Variants in SERPINH1 observed in about 807,000 individuals in gnomAD.
SERPINH1 encodes serpin family H member 1.
Under a neutral mutation model 32.3 loss-of-function variants are expected in SERPINH1, and 22 were observed. That is an observed-to-expected ratio of 0.68 (90% confidence interval 0.49 to 0.97). The LOEUF is 0.97. Among genes scored for constraint, SERPINH1 ranks in the 50% least tolerant of loss-of-function variants. The pLI is 0.00. For synonymous variants in SERPINH1, 251 were observed against 245.9 expected (o/e 1.02, Z -0.19); for missense variants, 543 against 576.4 (o/e 0.94, Z 0.59).
At position 75,566,708 on chromosome 11, in the gene SERPINH1, A is replaced by C. The variant is rs757694413; in HGVS notation, c.359A>C (p.Asn120Thr). The change falls in exon 2 of 5, where the codon AAC becomes ACC. Residue 120 changes from asparagine to threonine, a missense_variant. Asn to Thr is a moderately conservative substitution (Grantham distance 65). This residue lies in a region of SERPINH1 where 427 missense variants were observed against 446.4 expected (regional missense o/e 0.96). Transcript: ENST00000358171. ...GLGELLRSLS[N>T]STARNVTWKL... ...GGCGAGCTGCTGCGCTCACTCAGCAACTCCACGGCGCGCAACGTGACCTGG... is the reference window on the plus strand; with the variant it reads ...GGCGAGCTGCTGCGCTCACTCAGCACCTCCACGGCGCGCAACGTGACCTGG... 1.9e-6 allele frequency: 3 copies of C among 1,611,820 alleles called. No homozygotes were observed. The highest frequency in any genetic ancestry group is 1.7e-6 in the Non-Finnish European group (2 of 1,179,374).
chr11:75,564,656 T>A (rs936692651), intron 1 of SERPINH1, among the ~76,000 whole-genome samples: 2 of 151,960 alleles, frequency 1.3e-5, no homozygotes, highest in Non-Finnish European at 2.9e-5. Flanking sequence ...TGTCTTGGGG[T>A]TTATTCTAGG....
chr11:75,566,880 C>G lies in SERPINH1; in HGVS notation c.531C>G (p.Ala177=). 2 of 1,610,146 alleles carry G rather than the reference C, an allele frequency of 1.2e-6. No homozygotes were observed. Among genetic ancestry groups the G allele is most frequent in the East Asian group, 2.2e-5 (1 of 44,876 alleles). Residue 177 remains alanine (A), a synonymous_variant, in exon 2 of 5, where the codon GCC becomes GCG. Coordinates refer to ENST00000358171, the MANE Select transcript of SERPINH1 (RefSeq NM_001235.5). ...CGCTGCAGTCCATCAACGAGTGGGC[C>G]GCGCAGACCACCGACGGCAAGCTGC... The part of the protein sequence containing the change: ...RSALQSINEW[A]AQTTDGKLPE...
chr11:75,568,861 G>A, intron 3 of SERPINH1, 32 bp downstream of exon 3: 1 of 1,606,386 alleles, frequency 6.2e-7, no homozygotes, highest in South Asian at 1.1e-5. Flanking sequence ...GTGTCAAGGT[G>A]GGTGGGGGTC....
At chr11:75,565,165 T>C (rs1335793792) in intron 1 of SERPINH1, among the ~76,000 whole-genome samples, 1 of 152,186 alleles carries the variant, frequency 6.6e-6, no homozygotes, top group African/African-American at 2.4e-5. Context: ...AACTGGGGCT[T>C]GTCCTTGGGG....
At chr11:75,570,088 C>T (rs1942170427) in intron 4 of SERPINH1, among the ~76,000 whole-genome samples, 1 of 152,006 alleles carries the variant, frequency 6.6e-6, no homozygotes, top group Non-Finnish European at 1.5e-5. Flanking sequence ...CCCTAAGGTT[C>T]CCCAGGCTCA....
At chr11:75,568,644 A>C in intron 2 of SERPINH1, 87 bp from the exon 3 acceptor site, 1 of 838,458 alleles carries the variant, frequency 1.2e-6, no homozygotes, top group South Asian at 1.4e-5. Flanking sequence ...GGATAAATCA[A>C]GGTCTGCAGC....
At position 75,571,776 on chromosome 11, in the gene SERPINH1, CACAG is replaced by C; in HGVS notation, c.955-3_955del. 6.2e-7 allele frequency: 1 copy of C among 1,613,228 alleles called. No homozygotes were observed. The highest frequency in any genetic ancestry group is 8.5e-7 in the Non-Finnish European group (1 of 1,179,950). On this transcript the variant is annotated splice_acceptor_variant and splice_polypyrimidine_tract_variant and intron_variant, in intron 4 of 4. Transcript: ENST00000358171. LOFTEE classifies it high-confidence loss of function. ...CTCACCTGGCACACCTCCTTGTTCC[CACAG>C]AAACACCTGGCTGGGCTGGGCCTGA...
At chr11:75,568,138 A>C (rs747756937) in intron 2 of SERPINH1, 7 of 165,468 alleles carry the variant, frequency 4.2e-5, no homozygotes, top group Non-Finnish European at 8.0e-5. Context: ...GTCTACAAAA[A>C]ATTAGCCAGG....
Position 75,572,136 on chromosome 11 carries a change from C to A in SERPINH1, c.*53C>A. The A allele has an allele frequency of 6.4e-7, 1 of 1,567,340 alleles. No individual in the cohort carries two copies. Among genetic ancestry groups the A allele is most frequent in the Non-Finnish European group, 8.8e-7 (1 of 1,141,322 alleles). On this transcript the variant is annotated 3_prime_UTR_variant, in exon 5 of 5. Coordinates refer to ENST00000358171, the MANE Select transcript of SERPINH1 (RefSeq NM_001235.5). ...GAGGCATCCAAAGGCTCCTGAGACA[C>A]ATGGGTGCTATTGGGGTTGGGGGGG... is the stretch of plus-strand genomic sequence containing the variant.
At position 75,572,171 on chromosome 11, in the gene SERPINH1, AC is replaced by A; in HGVS notation, c.*90del. 7.9e-7 allele frequency: 1 copy of A among 1,271,828 alleles called. No homozygotes were observed. Among genetic ancestry groups the A allele is most frequent in the Non-Finnish European group, 1.1e-6 (1 of 890,806 alleles). 78.8% of individuals were successfully genotyped at this position (1,271,828 alleles called of 1,614,324 possible). On this transcript the variant is annotated 3_prime_UTR_variant, in exon 5 of 5. Coordinates refer to ENST00000358171, the MANE Select transcript of SERPINH1 (RefSeq NM_001235.5). ...ATTGGGGTTGGGGGGGAGGTGAGGTACCAGCCTTGGATACTCCATGGGGTGG... is the reference window on the plus strand; with the variant it reads ...ATTGGGGTTGGGGGGGAGGTGAGGTACAGCCTTGGATACTCCATGGGGTGG...
In SERPINH1 at chr11:75,567,617, C is replaced by T. The variant is rs140327369; in HGVS notation, c.622+646C>T. On this transcript the variant is annotated intron_variant, in intron 2 of 4. Transcript: ENST00000358171. Reference sequence around the variant, plus strand: ...GATTACAGGTGCGAGCCACCATGTGCGGCCAAGACCCAGAATCCTTAAAGC... The same window carrying T: ...GATTACAGGTGCGAGCCACCATGTGTGGCCAAGACCCAGAATCCTTAAAGC... Among the ~76,000 whole-genome samples, 17 of 152,316 alleles carry T rather than the reference C, an allele frequency of 1.1e-4. 1 individual carries two copies. The East Asian group carries it at 1.2e-3, about 10-fold the overall frequency.
chr11:75,572,287 T>C lies in SERPINH1; in HGVS notation c.*204T>C, dbSNP rs906190495. ...ACTTGGACATGGGCCCCAGATACCA[T>C]GATGCTGAGCCCGGAAACTCCACAT... On this transcript the variant is annotated 3_prime_UTR_variant, in exon 5 of 5. Coordinates refer to ENST00000358171, the MANE Select transcript of SERPINH1 (RefSeq NM_001235.5). The C allele has an allele frequency of 6.3e-6, 4 of 632,934 alleles. No homozygotes were observed. Among genetic ancestry groups the C allele is most frequent in the South Asian group, 1.8e-5 (1 of 55,318 alleles). 39.2% of individuals were successfully genotyped at this position (632,934 alleles called of 1,614,324 possible).
Position 75,566,842 on chromosome 11 carries a change from G to A in SERPINH1, c.493G>A (p.Asp165Asn). The A allele has an allele frequency of 1.9e-6, 3 of 1,612,468 alleles. No individual in the cohort carries two copies. The highest frequency in any genetic ancestry group is 1.1e-5 in the South Asian group (1 of 91,090). The change falls in exon 2 of 5, where the codon GAC becomes AAC. Residue 165 changes from aspartate to asparagine, a missense_variant. Physicochemically the swap from Asp to Asn is conservative, Grantham distance 23 (BLOSUM62 1). Around this residue, in one of 3 missense-constraint regions of SERPINH1, gnomAD observed 427 missense variants for 446.4 expected, o/e 0.96. Transcript: ENST00000358171. ...CGAGCACTCCAAGATCAACTTCCGC[G>A]ACAAGCGCAGCGCGCTGCAGTCCAT... ...NCEHSKINFRDKRSALQSINE... is the reference protein window; with the variant it reads ...NCEHSKINFRNKRSALQSINE...
chr11:75,565,642 A>G (rs944380123), intron 1 of SERPINH1, among the ~76,000 whole-genome samples: 1 of 152,038 alleles, frequency 6.6e-6, no homozygotes, highest in Non-Finnish European at 1.5e-5. Context: ...TCTCAGGGTC[A>G]CCCTTGGGGC....
chr11:75,566,254 G>A, intron 1 of SERPINH1, 62 bp from the exon 2 acceptor site: 3 of 1,426,540 alleles, frequency 2.1e-6, no homozygotes, highest in Non-Finnish European at 2.9e-6. Flanking sequence ...GAGAGCTGAG[G>A]GTGGTTGTTG....
rs1018656928 is a variant in SERPINH1, at chr11:75,572,156, G to A, written c.*73G>A. 6.8e-6 allele frequency: 10 copies of A among 1,479,778 alleles called. No individual in the cohort carries two copies. The highest frequency in any genetic ancestry group is 4.6e-5 in the East Asian group (2 of 43,020). 91.7% of individuals were successfully genotyped at this position (1,479,778 alleles called of 1,614,324 possible). ...AGACACATGGGTGCTATTGGGGTTG[G>A]GGGGGAGGTGAGGTACCAGCCTTGG... On this transcript the variant is annotated 3_prime_UTR_variant, in exon 5 of 5. Transcript: ENST00000358171.
In SERPINH1 at chr11:75,566,895, C is replaced by A; in HGVS notation, c.546C>A (p.Asp182Glu). The change falls in exon 2 of 5, where the codon GAC (aspartate) becomes GAA (glutamate). Residue 182 changes from aspartate to glutamate, a missense_variant. Asp to Glu is a conservative substitution (Grantham distance 45). Transcript: ENST00000358171. ...ACGAGTGGGCCGCGCAGACCACCGA[C>A]GGCAAGCTGCCCGAGGTCACCAAGG... is the stretch of plus-strand genomic sequence containing the variant. ...SINEWAAQTTDGKLPEVTKDV... is the reference protein window; with the variant it reads ...SINEWAAQTTEGKLPEVTKDV... 2 of 1,608,932 alleles carry A rather than the reference C, an allele frequency of 1.2e-6. No homozygotes were observed. The highest frequency in any genetic ancestry group is 1.7e-6 in the Non-Finnish European group (2 of 1,179,958).
chr11:75,565,755 C>T lies in SERPINH1; in HGVS notation c.-34-561C>T, dbSNP rs114341844. On this transcript the variant is annotated intron_variant, in intron 1 of 4. Coordinates refer to ENST00000358171, the MANE Select transcript of SERPINH1 (RefSeq NM_001235.5). ...AAGGCATGGGGGCGGGGCAGCCCTC[C>T]GGCTCTGTCCCTCATCCCTTGCCCA... is the stretch of plus-strand genomic sequence containing the variant. Among the ~76,000 whole-genome samples, 1,263 of 152,328 alleles carry T rather than the reference C, an allele frequency of 8.3e-3. 20 individuals carry two copies. Among genetic ancestry groups the T allele is most frequent in the African/African-American group, 0.029 (1,225 of 41,562 alleles).
At position 75,567,060 on chromosome 11, in the gene SERPINH1, A is replaced by G. The variant is rs1334314095; in HGVS notation, c.622+89A>G. ...CGACATTCCGTGCGCTCCATTCTTCACTGCCTCTCATTTATGCTGTGACAA... is the reference window on the plus strand; with the variant it reads ...CGACATTCCGTGCGCTCCATTCTTCGCTGCCTCTCATTTATGCTGTGACAA... On this transcript the variant is annotated intron_variant, in intron 2 of 4. Transcript: ENST00000358171. The G allele has an allele frequency of 2.1e-6, 3 of 1,400,428 alleles. No homozygotes were observed. In the East Asian group the frequency reaches 7.4e-5, roughly 34 times the overall value. 86.8% of individuals were successfully genotyped at this position (1,400,428 alleles called of 1,614,324 possible).
Sources: gnomAD v4.1 joint callset for allele counts (sites outside exome capture counted in the v4.1 genomes callset) on GRCh38, gnomAD v4.1.1 for gene constraint, gnomAD v4.1.1 regional missense constraint, MANE v1.5 for transcripts, NCBI Gene and HGNC (gene_info 2026-07-23, HGNC 2026-07-21) for gene names.